The following PTPRC variants were observed in gnomAD, a reference collection of about 807,000 sequenced individuals.
The protein encoded by PTPRC is receptor-type tyrosine-protein phosphatase C.
PTPRC carries 44 observed loss-of-function variants against 155.9 expected under a neutral mutation model. That is an observed-to-expected ratio of 0.28 (90% CI 0.22 to 0.36). The LOEUF is 0.36. Among genes scored for constraint, PTPRC ranks in the 10% least tolerant of loss-of-function variants. PTPRC has a pLI of 1.00. For missense variants in PTPRC, 1,401 were observed against 1,564.6 expected, an observed-to-expected ratio of 0.90 and a Z score of 1.76; for synonymous variants, 525 against 533.1, an observed-to-expected ratio of 0.98 and a Z score of 0.21.
chr1:198,719,337 T>C (rs867650724), intron 14 of PTPRC, among the ~76,000 whole-genome samples: 89 of 152,252 alleles, frequency 5.8e-4, no homozygotes, highest in African/African-American at 2.0e-3. Flanking sequence ...TTTGCCTCTT[T>C]TATCCAGTTT....
chr1:198,706,992 C>G lies in PTPRC; in HGVS notation c.904+40C>G, dbSNP rs373215618. 4.7e-6 allele frequency: 7 copies of G among 1,496,608 alleles called. No homozygotes were observed. The African/African-American group carries it at 8.4e-5, about 18-fold the overall frequency. The allele number at this position is 1,496,608 out of a possible 1,614,324, so 92.7% of individuals were successfully genotyped here. A position where few individuals can be genotyped will look rare whatever the true frequency, so the allele number is the denominator to read the frequency against. ...ATTTCTTTTAATAAATTTATAAAAA[C>G]AGTACACTTTTGTGTGTGGTGTTCT... On this transcript the variant is annotated intron_variant, in intron 9 of 32. Transcript: ENST00000442510.
intron 32 of PTPRC, 53 bp from the exon 33 acceptor site, chr1:198,755,853 A>G (rs1655622192): frequency 2.0e-6 from 3 of 1,533,192 alleles, no homozygotes; most frequent in Non-Finnish European, 2.7e-6. Context: ...TCTGGCATAA[A>G]AATAATGACA....
Position 198,692,794 on chromosome 1 carries a change from T to C in PTPRC, c.100+421T>C, listed in dbSNP as rs1031215124. On this transcript the variant is annotated intron_variant, in intron 3 of 32. Coordinates refer to ENST00000442510, the MANE Select transcript of PTPRC (RefSeq NM_002838.5). ...GCATATGTCTATATTTCTTTAAGAGTATGTTGCTTTTTTCAATGGTATGCA... is the reference window on the plus strand; with the variant it reads ...GCATATGTCTATATTTCTTTAAGAGCATGTTGCTTTTTTCAATGGTATGCA... The C allele has an allele frequency of 3.2e-5, 29 of 913,982 alleles. No individual in the cohort carries two copies. The African/African-American group carries it at 4.9e-4, about 15-fold the overall frequency. The allele number at this position is 913,982 out of a possible 1,614,324, so 56.6% of individuals were successfully genotyped here.
At chr1:198,755,573 G>A (rs1330454587) in intron 32 of PTPRC, among the ~76,000 whole-genome samples, 2 of 152,020 alleles carry the variant, frequency 1.3e-5, no homozygotes, top group Non-Finnish European at 2.9e-5. Context: ...AGTGATTCCT[G>A]CCCTGATTCT....
At position 198,744,078 on chromosome 1, in the gene PTPRC, G is replaced by A. The variant is rs781540664; in HGVS notation, c.2722G>A (p.Ala908Thr). Residue 908 changes from alanine (A) to threonine (T), a missense_variant, in exon 26 of 33, where the codon GCT becomes ACT. Physicochemically the swap from Ala to Thr is moderately conservative, Grantham distance 58. Coordinates refer to ENST00000442510, the MANE Select transcript of PTPRC (RefSeq NM_002838.5). ...VEAQYILIHQ[A>T]LVEYNQFGET... The stretch of plus-strand genomic sequence containing the variant: ...GGCCCAGTACATCTTGATCCATCAG[G>A]CTTTGGTGGAATACAATCAGTTTGG... 6.2e-7 allele frequency: 1 copy of A among 1,604,956 alleles called. No individual in the cohort carries two copies. Among genetic ancestry groups the A allele is most frequent in the African/African-American group, 1.3e-5 (1 of 74,662 alleles).
rs567567081 is a variant in PTPRC, at chr1:198,729,970, A to G, written c.1864+799A>G. On this transcript the variant is annotated intron_variant, in intron 17 of 32. Transcript: ENST00000442510. ...CTCCTCAAGTCCCTGCCAGGGTGGA[A>G]TGGTGGCTGCTCCCACTAAAGACAC... Among the ~76,000 whole-genome samples the G allele has an allele frequency of 2.6e-5, 4 of 152,222 alleles. No individual in the cohort carries two copies. In the East Asian group the frequency reaches 7.7e-4, roughly 29 times the overall value.
At position 198,748,088 on chromosome 1, in the gene PTPRC, TG is replaced by T. The variant is rs1397398120; in HGVS notation, c.2848-20del. ...TATTTACATTTTAAAGGAGTTTTTC[TG>T]TTTTTTTTTTTTTTTTCAGAGACTT... On this transcript the variant is annotated intron_variant, in intron 26 of 32. Transcript: ENST00000442510. The T allele has an allele frequency of 2.1e-5, 32 of 1,516,800 alleles. No individual in the cohort carries two copies. Among genetic ancestry groups the T allele is most frequent in the Admixed American group, 5.7e-5 (3 of 52,738 alleles). The allele number at this position is 1,516,800 out of a possible 1,614,324, so 94.0% of individuals were successfully genotyped here.
chr1:198,707,805 C>A (rs1035565115), intron 9 of PTPRC, among the ~76,000 whole-genome samples: 3 of 151,980 alleles, frequency 2.0e-5, no homozygotes, highest in African/African-American at 7.2e-5. Context: ...AAGATAAAAA[C>A]AAAAATACAA....
intron 4 of PTPRC, 133 bp from the exon 5 acceptor site, chr1:198,699,431 A>G: frequency 1.8e-6 from 2 of 1,085,372 alleles, no homozygotes; most frequent in Non-Finnish European, 2.8e-6. Flanking sequence ...ATACTGACAG[A>G]CACATTTTAA....
In PTPRC at chr1:198,686,540, TCTTA is replaced by T. The variant is rs565163135; in HGVS notation, c.74-5803_74-5800del. 1.4e-4 allele frequency among the ~76,000 whole-genome samples: 21 copies of T among 152,292 alleles called. 1 individual carries two copies. In the South Asian group the frequency reaches 4.4e-3, roughly 32 times the overall value. On this transcript the variant is annotated intron_variant, in intron 2 of 32. Transcript: ENST00000442510. ...AATTTGAGAGAAAGCTCAATGCAGT[TCTTA>T]CTTTGAGAAATAGTGATGCCTTCTC...
chr1:198,687,115 C>A (rs1302861822), intron 2 of PTPRC, among the ~76,000 whole-genome samples: 1 of 152,130 alleles, frequency 6.6e-6, no homozygotes, highest in Non-Finnish European at 1.5e-5. Context: ...GGCGTAGCCT[C>A]CCAAGTAGCT....
intron 26 of PTPRC, among the ~76,000 whole-genome samples, chr1:198,745,664 T>C (rs1383189654): frequency 6.6e-6 from 1 of 151,844 alleles, no homozygotes; most frequent in Non-Finnish European, 1.5e-5. Context: ...TTGTTTTCTA[T>C]GGCAGCATTG....
intron 14 of PTPRC, among the ~76,000 whole-genome samples, chr1:198,721,043 A>G (rs1254005536): frequency 6.6e-6 from 1 of 152,226 alleles, no homozygotes; most frequent in Non-Finnish European, 1.5e-5. Flanking sequence ...GGTGTACATC[A>G]TATTAAAATA....
Position 198,699,594 on chromosome 1 carries a change from C to T in PTPRC, c.329C>T (p.Pro110Leu). ...GVSSVQTPHL[P>L]THADSQTPSA... ...TCATCAGTACAGACGCCTCACCTTC[C>T]CACGCACGCAGACTCGCAGACGCCC... The change falls in exon 5 of 33, where the codon CCC becomes CTC. Residue 110 changes from proline to leucine, a missense_variant. Pro to Leu is a moderately conservative substitution (Grantham distance 98). Coordinates refer to ENST00000442510, the MANE Select transcript of PTPRC (RefSeq NM_002838.5). 1 of 1,614,208 alleles carries T rather than the reference C, an allele frequency of 6.2e-7. No homozygotes were observed. Among genetic ancestry groups the T allele is most frequent in the Non-Finnish European group, 8.5e-7 (1 of 1,180,044 alleles).
At chr1:198,683,329 G>A (rs1220432357) in intron 2 of PTPRC, among the ~76,000 whole-genome samples, 1 of 152,052 alleles carries the variant, frequency 6.6e-6, no homozygotes, top group Non-Finnish European at 1.5e-5. Context: ...ATGATTCTTT[G>A]TTCTTTAATG....
rs1653106641 is a variant in PTPRC at position 198,708,292 on chromosome 1, T to C, written c.1033+31T>C. 1.9e-6 allele frequency: 3 copies of C among 1,583,154 alleles called. No homozygotes were observed. The East Asian group carries it at 6.8e-5, about 36-fold the overall frequency. Reference sequence around the variant, plus strand: ...AATATAACATTGACCAGAGAATTTTTTTTTGTGGCACAATGTTGTTCTAGA... The same window carrying C: ...AATATAACATTGACCAGAGAATTTTCTTTTGTGGCACAATGTTGTTCTAGA... On this transcript the variant is annotated intron_variant, in intron 10 of 32. Coordinates refer to ENST00000442510, the MANE Select transcript of PTPRC (RefSeq NM_002838.5).
intron 2 of PTPRC, among the ~76,000 whole-genome samples, chr1:198,644,091 A>G (rs904019104): frequency 2.0e-5 from 3 of 151,932 alleles, no homozygotes; most frequent in African/African-American, 7.2e-5. Flanking sequence ...ACCTTGGTGC[A>G]GAGAGAGAAA....
chr1:198,687,984 A>T (rs1223544069), intron 2 of PTPRC, among the ~76,000 whole-genome samples: 2 of 152,144 alleles, frequency 1.3e-5, no homozygotes, highest in Non-Finnish European at 2.9e-5. Context: ...GGATTTTATG[A>T]CCATGAGAAC....
intron 26 of PTPRC, among the ~76,000 whole-genome samples, chr1:198,747,222 G>T (rs186020099): frequency 6.7e-6 from 1 of 149,560 alleles, no homozygotes; most frequent in African/African-American, 2.5e-5. Flanking sequence ...AGTTATTAGA[G>T]CAACCAAAAG....
Sources: gnomAD v4.1 joint callset for allele counts (sites outside exome capture counted in the v4.1 genomes callset) on GRCh38, gnomAD v4.1.1 for gene constraint, MANE v1.5 for transcripts, NCBI Gene and HGNC (gene_info 2026-07-23, HGNC 2026-07-21) for gene names.